ITGB3: variants seen among roughly 807,000 people sequenced by gnomAD.
ITGB3 encodes the protein integrin subunit beta 3.
ITGB3 carries 48 observed loss-of-function variants against 85.8 expected under a neutral mutation model. The ratio of observed to expected loss-of-function variants is 0.56; its 90% CI spans 0.44 to 0.71. The LOEUF (loss-of-function observed/expected upper bound fraction) is 0.71. Among genes scored for constraint, ITGB3 ranks in the 30% least tolerant of loss-of-function variants. The pLI, the probability that ITGB3 is intolerant of heterozygous loss-of-function variation, is 0.00. For missense variants in ITGB3, 861 were observed against 1,019.1 expected (o/e 0.84, Z 2.11); for synonymous variants, 363 against 395.6 (o/e 0.92, Z 0.98).
intron 1 of ITGB3, among the ~76,000 whole-genome samples, chr17:47,267,389 A>G (rs1004059290): frequency 1.3e-5 from 2 of 152,210 alleles, no homozygotes; most frequent in African/African-American, 4.8e-5. Flanking sequence ...AATGACTGGA[A>G]ACAGAGGCCC....
chr17:47,287,334 G>A, intron 6 of ITGB3, 103 bp downstream of exon 6: 1 of 1,376,906 alleles, frequency 7.3e-7, no homozygotes, highest in Non-Finnish European at 1.0e-6. Context: ...CCCTCCTTCT[G>A]GGCAGGGTGC....
chr17:47,299,162 C>A lies in ITGB3; in HGVS notation c.1691-146C>A. 1.3e-6 allele frequency: 1 copy of A among 774,180 alleles called. No individual in the cohort carries two copies. The highest frequency in any genetic ancestry group is 1.5e-5 in the South Asian group (1 of 66,260). The allele number at this position is 774,180 out of a possible 1,614,324, so 48.0% of individuals were successfully genotyped here. ...CTGAGTTTGTCCCTGCTGGGTAGGACTCCCCTGGGTGGTGAGCCAATTCCC... is the reference window on the plus strand; with the variant it reads ...CTGAGTTTGTCCCTGCTGGGTAGGAATCCCCTGGGTGGTGAGCCAATTCCC... On this transcript the variant is annotated intron_variant, in intron 10 of 14. Transcript: ENST00000559488. This position sits in a 1 kb window ranked among gnomAD's most constrained non-coding sequence, Gnocchi z 5.1.
intron 1 of ITGB3, among the ~76,000 whole-genome samples, chr17:47,256,418 CAG>C (rs1567757724): frequency 6.6e-6 from 1 of 151,914 alleles, no homozygotes; most frequent in East Asian, 1.9e-4. Flanking sequence ...CTCTGAGAAG[CAG>C]TGTACAGTAG....
At chr17:47,298,362 G>GTTC (rs2065153490) in intron 10 of ITGB3, among the ~76,000 whole-genome samples, 1 of 151,926 alleles carries the variant, frequency 6.6e-6, no homozygotes, top group Non-Finnish European at 1.5e-5. Flanking sequence ...TAACTGCACT[G>GTTC]GCCCTCGGCA....
chr17:47,302,949 G>A, intron 13 of ITGB3, 109 bp downstream of exon 13: 1 of 1,325,682 alleles, frequency 7.5e-7, no homozygotes, highest in Non-Finnish European at 1.1e-6. Flanking sequence ...GGTTAAGCCT[G>A]CAAGTGATAA....
intron 6 of ITGB3, among the ~76,000 whole-genome samples, chr17:47,288,569 G>A (rs1433437911): frequency 2.0e-5 from 3 of 152,154 alleles, no homozygotes; most frequent in Non-Finnish European, 4.4e-5. Context: ...GTAAAGGCAG[G>A]AGACTGAGCT....
intron 2 of ITGB3, among the ~76,000 whole-genome samples, chr17:47,281,360 C>A (rs1028183261): frequency 4.6e-5 from 7 of 152,140 alleles, no homozygotes; most frequent in Non-Finnish European, 8.8e-5. Flanking sequence ...TGGTAAGGAG[C>A]CCTCATAGAC....
At position 47,287,389 on chromosome 17, in the gene ITGB3, C is replaced by T. The variant is rs141089662; in HGVS notation, c.939+158C>T. On this transcript the variant is annotated intron_variant, in intron 6 of 14. Transcript: ENST00000559488. ...CCCCTATCCCTTACCAACTGGACACCGTCATCCAGCATACAACCTATATAA... is the reference window on the plus strand; with the variant it reads ...CCCCTATCCCTTACCAACTGGACACTGTCATCCAGCATACAACCTATATAA... Among the ~76,000 whole-genome samples the T allele has an allele frequency of 5.3e-4, 81 of 152,260 alleles. No individual in the cohort carries two copies. The East Asian group carries it at 0.01, about 20-fold the overall frequency.
At chr17:47,282,544 G>GT (rs1732794704) in intron 2 of ITGB3, among the ~76,000 whole-genome samples, 2 of 152,280 alleles carry the variant, frequency 1.3e-5, no homozygotes, top group African/African-American at 4.8e-5. Context: ...GTAAGCAGTT[G>GT]TAAGTGCAAT....
intron 1 of ITGB3, 145 bp downstream of exon 1, chr17:47,254,085 A>T (rs1215020742): frequency 4.2e-6 from 2 of 480,020 alleles, no homozygotes; most frequent in Non-Finnish European, 6.5e-6. Flanking sequence ...GCGCGGTCGG[A>T]GCCGGGAGCT....
intron 1 of ITGB3, among the ~76,000 whole-genome samples, chr17:47,259,821 C>T (rs2065003006): frequency 6.6e-6 from 1 of 152,162 alleles, no homozygotes. Flanking sequence ...ATCGCTTGAA[C>T]CCAGGAGGCA....
chr17:47,280,639 G>C (rs182982895), intron 2 of ITGB3, among the ~76,000 whole-genome samples: 1 of 152,344 alleles, frequency 6.6e-6, no homozygotes, highest in Admixed American at 6.5e-5. Flanking sequence ...TTACAGGCAT[G>C]AGTCATCGCA....
intron 1 of ITGB3, among the ~76,000 whole-genome samples, chr17:47,268,864 C>T (rs777433151): frequency 2.6e-5 from 4 of 152,208 alleles, no homozygotes; most frequent in Non-Finnish European, 1.5e-5. Context: ...CTTGTGCACT[C>T]CCCTAGCAGA....
intron 6 of ITGB3, among the ~76,000 whole-genome samples, chr17:47,288,910 A>G (rs538623929): frequency 6.6e-6 from 1 of 152,278 alleles, no homozygotes; most frequent in East Asian, 1.9e-4. Flanking sequence ...TATCCAAGGG[A>G]GGAAAGGTCA....
In ITGB3 at chr17:47,310,490, C is replaced by G. The variant is rs944673444; in HGVS notation, c.*286C>G. On this transcript the variant is annotated 3_prime_UTR_variant, in exon 15 of 15. Transcript: ENST00000559488. ...TCCCAGAATGCCTCCTGCAGGGATTCTTCCTGCTTAGCTTGAGGGTGACTA... is the reference window on the plus strand; with the variant it reads ...TCCCAGAATGCCTCCTGCAGGGATTGTTCCTGCTTAGCTTGAGGGTGACTA... 1.0e-5 allele frequency: 5 copies of G among 500,340 alleles called. No homozygotes were observed. Among genetic ancestry groups the G allele is most frequent in the South Asian group, 2.0e-5 (1 of 51,172 alleles). The allele number at this position is 500,340 out of a possible 1,614,324, so 31.0% of individuals were successfully genotyped here. A position where few individuals can be genotyped will look rare whatever the true frequency, so the allele number is the denominator to read the frequency against.
intron 6 of ITGB3, among the ~76,000 whole-genome samples, chr17:47,289,032 G>A (rs1232182358): frequency 6.6e-6 from 1 of 152,126 alleles, no homozygotes; most frequent in African/African-American, 2.4e-5. Flanking sequence ...GGAGACAGTG[G>A]GCCAGATCAC....
chr17:47,289,098 A>T (rs1317582106), intron 6 of ITGB3, among the ~76,000 whole-genome samples: 2 of 152,196 alleles, frequency 1.3e-5, no homozygotes, highest in Non-Finnish European at 2.9e-5. Flanking sequence ...GACTGAGACC[A>T]CACGGTGGAG....
intron 3 of ITGB3, 151 bp downstream of exon 3, chr17:47,283,700 G>A: frequency 4.0e-6 from 3 of 758,084 alleles, no homozygotes. Flanking sequence ...GCAAGAGAAT[G>A]GAAGAAAATA....
Position 47,302,853 on chromosome 17 carries a change from T to C in ITGB3, c.2134+13T>C. 1 of 1,614,120 alleles carries C rather than the reference T, an allele frequency of 6.2e-7. No individual in the cohort carries two copies. The highest frequency in any genetic ancestry group is 8.5e-7 in the Non-Finnish European group (1 of 1,179,994). ...GTAGAAGAGCCAGGTGAGTGAACCC[T>C]GACGGCTCCCGGCCCTGCCCCAGGA... is the stretch of plus-strand genomic sequence containing the variant. On this transcript the variant is annotated intron_variant, in intron 13 of 14. Coordinates refer to ENST00000559488, the MANE Select transcript of ITGB3 (RefSeq NM_000212.3).
Sources: gnomAD v4.1 joint callset for allele counts (sites outside exome capture counted in the v4.1 genomes callset) on GRCh38, gnomAD v4.1.1 for gene constraint, Gnocchi (gnomAD v3.1) non-coding constraint, MANE v1.5 for transcripts, NCBI Gene and HGNC (gene_info 2026-07-23, HGNC 2026-07-21) for gene names.